The following LRMDA variants were observed in gnomAD, a reference collection of about 807,000 sequenced individuals.
LRMDA encodes leucine rich melanocyte differentiation associated.
In LRMDA, 18 loss-of-function variants were observed where a neutral mutation model predicts 29.8. That is an observed-to-expected ratio of 0.60 (90% CI 0.42 to 0.90). The LOEUF (loss-of-function observed/expected upper bound fraction) is 0.90. LRMDA is among the 40% of genes least tolerant of loss of function. The pLI, the probability that LRMDA is intolerant of heterozygous loss-of-function variation, is 0.00. For missense variants in LRMDA, 273 were observed against 273.9 expected, an observed-to-expected ratio of 1.00 and a Z score of 0.02; for synonymous variants, 125 against 109.4, an observed-to-expected ratio of 1.14 and a Z score of -0.89.
intron 5 of LRMDA, among the ~76,000 whole-genome samples, chr10:76,097,380 A>C (rs532573482): frequency 6.6e-6 from 1 of 152,164 alleles, no homozygotes; most frequent in Non-Finnish European, 1.5e-5. Flanking sequence ...AATTATTTTT[A>C]TTGCCTTATT....
intron 5 of LRMDA, among the ~76,000 whole-genome samples, chr10:76,128,443 C>T (rs724444): frequency 0.33 from 50,893 of 152,008 alleles, 9,633 homozygotes; most frequent in East Asian, 0.65. Flanking sequence ...TGGCCCCTGA[C>T]GTCAGCCCGT....
chr10:76,232,085 T>C (rs1022947544), intron 5 of LRMDA, among the ~76,000 whole-genome samples: 12 of 152,226 alleles, frequency 7.9e-5, no homozygotes, highest in Admixed American at 3.3e-4. Flanking sequence ...TTATCTCTTC[T>C]TTGTTCCTAG....
intron 6 of LRMDA, among the ~76,000 whole-genome samples, chr10:76,338,368 AT>A (rs1263537413): frequency 1.2e-5 from 1 of 84,426 alleles, no homozygotes; most frequent in Non-Finnish European, 2.1e-5. Flanking sequence ...AGTCTCATAA[AT>A]AAATAAATAA....
intron 5 of LRMDA, among the ~76,000 whole-genome samples, chr10:76,184,536 A>G (rs1851112611): frequency 6.6e-6 from 1 of 152,272 alleles, no homozygotes; most frequent in Admixed American, 6.5e-5. Context: ...CTTTCATAAA[A>G]GTATTTTCAA....
chr10:76,203,466 G>A (rs547973974), intron 5 of LRMDA, among the ~76,000 whole-genome samples: 13 of 152,200 alleles, frequency 8.5e-5, no homozygotes, highest in African/African-American at 3.1e-4. Flanking sequence ...ATCTCTGTCA[G>A]GTCAGACTAT....
chr10:76,390,623 A>T (rs779667399), intron 6 of LRMDA, among the ~76,000 whole-genome samples: 2 of 151,892 alleles, frequency 1.3e-5, no homozygotes, highest in Non-Finnish European at 2.9e-5. Context: ...CAGCTCCCCC[A>T]AGAGTGCCCC....
At chr10:76,206,506 C>A (rs1220430531) in intron 5 of LRMDA, among the ~76,000 whole-genome samples, 1 of 152,162 alleles carries the variant, frequency 6.6e-6, no homozygotes, top group Non-Finnish European at 1.5e-5. Context: ...CCCTTGTGAT[C>A]ACCTCTGTGT....
chr10:75,562,134 T>TA (rs1304086890), intron 2 of LRMDA, among the ~76,000 whole-genome samples: 1 of 152,080 alleles, frequency 6.6e-6, no homozygotes, highest in Non-Finnish European at 1.5e-5. Flanking sequence ...AGTGGGGTGT[T>TA]AAAGTCTCCC....
chr10:76,046,864 T>C lies in LRMDA; in HGVS notation c.259-300T>C, dbSNP rs1848447027. Among the ~76,000 whole-genome samples, 5 of 152,320 alleles carry C rather than the reference T, an allele frequency of 3.3e-5. No individual in the cohort carries two copies. The South Asian group carries it at 1.0e-3, about 32-fold the overall frequency. On this transcript the variant is annotated intron_variant, in intron 3 of 6. Coordinates refer to ENST00000611255, the MANE Select transcript of LRMDA (RefSeq NM_001305581.2). ...TATTTTACTCTATGGAATCTTCCCT[T>C]TTGGTGTGTTTTAGAAACAGAACTA... is the stretch of plus-strand genomic sequence containing the variant.
At position 75,747,194 on chromosome 10, in the gene LRMDA, G is replaced by A. The variant is rs560562347; in HGVS notation, c.132-288814G>A. Among the ~76,000 whole-genome samples the A allele has an allele frequency of 2.4e-4, 37 of 151,916 alleles. No individual in the cohort carries two copies. The East Asian group carries it at 3.7e-3, about 15-fold the overall frequency. On this transcript the variant is annotated intron_variant, in intron 2 of 6. Transcript: ENST00000611255. ...GCTTTATTATGTAATTTAATTTTTC[G>A]TATCTTTTATTAGCTGTAAAGTAGG...
chr10:75,854,175 T>C (rs1393613552), intron 2 of LRMDA, among the ~76,000 whole-genome samples: 1 of 152,152 alleles, frequency 6.6e-6, no homozygotes, highest in Non-Finnish European at 1.5e-5. Flanking sequence ...CTAGTATTTT[T>C]GGATTTGTTT....
chr10:76,166,244 C>G (rs1850738031), intron 5 of LRMDA, among the ~76,000 whole-genome samples: 1 of 152,188 alleles, frequency 6.6e-6, no homozygotes, highest in South Asian at 2.1e-4. Flanking sequence ...ACAAAGGCCT[C>G]CTTTTGGACA....
chr10:76,453,185 G>A (rs1024504598), intron 6 of LRMDA, among the ~76,000 whole-genome samples: 6 of 152,176 alleles, frequency 3.9e-5, no homozygotes, highest in African/African-American at 1.4e-4. Flanking sequence ...CTCTTGTAAG[G>A]ACTGATCAGT....
At chr10:75,959,492 T>A (rs920850825) in intron 2 of LRMDA, among the ~76,000 whole-genome samples, 2 of 148,162 alleles carry the variant, frequency 1.3e-5, no homozygotes, top group African/African-American at 5.1e-5. Flanking sequence ...AAAGCACACA[T>A]ATGCACATGT....
intron 6 of LRMDA, among the ~76,000 whole-genome samples, chr10:76,335,017 G>A (rs569872090): frequency 1.3e-5 from 2 of 152,206 alleles, no homozygotes; most frequent in Non-Finnish European, 2.9e-5. Flanking sequence ...TTGGATGAAG[G>A]TGAGAACTGA....
intron 6 of LRMDA, among the ~76,000 whole-genome samples, chr10:76,351,271 T>A (rs1446597060): frequency 6.6e-6 from 1 of 152,162 alleles, no homozygotes; most frequent in East Asian, 1.9e-4. Flanking sequence ...CTTGCTTTTC[T>A]ATCAGGAATT....
intron 5 of LRMDA, among the ~76,000 whole-genome samples, chr10:76,064,368 CCTT>C (rs1488090573): frequency 2.0e-5 from 3 of 152,116 alleles, no homozygotes; most frequent in Admixed American, 1.3e-4. Flanking sequence ...CTGGAGTCCT[CCTT>C]CTTTCTCAAC....
chr10:76,271,385 G>A (rs112313687), intron 5 of LRMDA, among the ~76,000 whole-genome samples: 1 of 151,846 alleles, frequency 6.6e-6, no homozygotes, highest in Non-Finnish European at 1.5e-5. Context: ...TCCAGCCTGG[G>A]CAGCAGAGTT....
At chr10:75,984,102 G>A (rs138089146) in intron 2 of LRMDA, among the ~76,000 whole-genome samples, 162 of 152,336 alleles carry the variant, frequency 1.1e-3, no homozygotes, top group African/African-American at 3.7e-3. Context: ...GAATGTCAGT[G>A]TCTGGGCATA....
Sources: allele counts gnomAD v4.1 joint callset (sites outside exome capture counted in the v4.1 genomes callset), GRCh38; gene constraint gnomAD v4.1.1; transcripts MANE v1.5; gene names NCBI Gene and HGNC (gene_info 2026-07-23, HGNC 2026-07-21).